Variants in NRG3 observed in about 807,000 individuals in gnomAD.
The protein encoded by NRG3 is pro-neuregulin-3, membrane-bound isoform.
NRG3 carries 31 observed loss-of-function variants against 66.9 expected under a neutral mutation model. That is an observed-to-expected ratio of 0.46 (90% CI 0.35 to 0.63). NRG3 has a LOEUF of 0.63. Ranked by LOEUF, NRG3 falls within the 20% of genes least tolerant of loss-of-function variation. The pLI is 0.00. For synonymous variants in NRG3, 393 were observed against 359.4 expected (o/e 1.09, Z -1.06); for missense variants, 910 against 878.9 (o/e 1.04, Z -0.45).
At position 82,240,286 on chromosome 10, in the gene NRG3, G is replaced by C. The variant is rs560616884; in HGVS notation, c.824-118453G>C. Among the ~76,000 whole-genome samples the C allele has an allele frequency of 5.9e-5, 9 of 151,848 alleles. No homozygotes were observed. The South Asian group carries it at 1.9e-3, about 32-fold the overall frequency. ...TATTAAAGATAATTTATTAAAATTG[G>C]TAAATTATATGCATTTGAATAAAAA... is the stretch of plus-strand genomic sequence containing the variant. On this transcript the variant is annotated intron_variant, in intron 1 of 8. Transcript: ENST00000372141.
intron 1 of NRG3, among the ~76,000 whole-genome samples, chr10:81,944,757 C>A (rs1179111251): frequency 6.6e-6 from 1 of 152,120 alleles, no homozygotes; most frequent in Non-Finnish European, 1.5e-5. Context: ...AATGAAACTT[C>A]TACGTATCCT....
chr10:82,696,072 A>C (rs1379827726), intron 2 of NRG3, among the ~76,000 whole-genome samples: 1 of 152,294 alleles, frequency 6.6e-6, no homozygotes, highest in Admixed American at 6.5e-5. Flanking sequence ...TCCTAAGTGC[A>C]CACATTCTCA....
At chr10:82,145,590 C>T (rs2070185986) in intron 1 of NRG3, among the ~76,000 whole-genome samples, 1 of 152,098 alleles carries the variant, frequency 6.6e-6, no homozygotes, top group African/African-American at 2.4e-5. Flanking sequence ...CACATGGGAA[C>T]TTTTTTCTTT....
At chr10:81,878,125 TC>T in intron 1 of NRG3, 1 of 1,478,364 alleles carries the variant, frequency 6.8e-7, no homozygotes, top group Non-Finnish European at 8.9e-7. Flanking sequence ...TATGCTCTCT[TC>T]CTACATTCCG....
At chr10:82,380,622 A>C (rs1209913532) in intron 2 of NRG3, among the ~76,000 whole-genome samples, 1 of 152,198 alleles carries the variant, frequency 6.6e-6, no homozygotes, top group Non-Finnish European at 1.5e-5. Context: ...ATGGGAAAGT[A>C]TAGAAATGAG....
chr10:82,086,066 T>C (rs2065706301), intron 1 of NRG3, among the ~76,000 whole-genome samples: 1 of 152,112 alleles, frequency 6.6e-6, no homozygotes, highest in Admixed American at 6.5e-5. Context: ...AGTTTCCATT[T>C]ACAAATGAGC....
In NRG3 at chr10:81,894,038, A is replaced by G. The variant is rs144588928; in HGVS notation, c.823+17875A>G. Among the ~76,000 whole-genome samples, 565 of 152,314 alleles carry G rather than the reference A, an allele frequency of 3.7e-3. 1 individual carries two copies. Among genetic ancestry groups the G allele is most frequent in the Non-Finnish European group, 5.9e-3 (404 of 68,036 alleles). Reference sequence around the variant, plus strand: ...CAAAATGCCACAGACTGCATGGACTATGCATGGAAATTTATTTTCTGGCTG... The same window carrying G: ...CAAAATGCCACAGACTGCATGGACTGTGCATGGAAATTTATTTTCTGGCTG... On this transcript the variant is annotated intron_variant, in intron 1 of 8. Transcript: ENST00000372141.
intron 1 of NRG3, among the ~76,000 whole-genome samples, chr10:81,976,771 G>A (rs562678412): frequency 1.4e-4 from 21 of 152,274 alleles, no homozygotes; most frequent in Middle Eastern, 3.4e-3. Context: ...TTTCTTGGAT[G>A]TGAGCTAATT....
chr10:82,531,228 A>G (rs957170738), intron 2 of NRG3, among the ~76,000 whole-genome samples: 7 of 151,762 alleles, frequency 4.6e-5, no homozygotes, highest in South Asian at 2.1e-4. Flanking sequence ...ATGCGAGTCC[A>G]TACAGGTTTA....
At chr10:82,146,407 T>TGAATTCTG (rs1166716187) in intron 1 of NRG3, among the ~76,000 whole-genome samples, 3 of 152,126 alleles carry the variant, frequency 2.0e-5, no homozygotes, top group African/African-American at 7.2e-5. Flanking sequence ...TTATCGTCTC[T>TGAATTCTG]AGTAAGCAAG....
chr10:82,638,292 A>G (rs1381435140), intron 2 of NRG3, among the ~76,000 whole-genome samples: 1 of 152,200 alleles, frequency 6.6e-6, no homozygotes, highest in Non-Finnish European at 1.5e-5. Flanking sequence ...TGCAAATTAT[A>G]TCTGTACTGG....
chr10:82,896,042 T>C (rs1843634987), intron 4 of NRG3, among the ~76,000 whole-genome samples: 2 of 152,084 alleles, frequency 1.3e-5, no homozygotes, highest in South Asian at 4.1e-4. Flanking sequence ...TCTTGAGAGG[T>C]AGTAGAAGGC....
chr10:82,973,826 G>T lies in NRG3; in HGVS notation c.1323G>T (p.Glu441Asp). 2 of 1,613,962 alleles carry T rather than the reference G, an allele frequency of 1.2e-6. No individual in the cohort carries two copies. Among genetic ancestry groups the T allele is most frequent in the Non-Finnish European group, 8.5e-7 (1 of 1,179,858 alleles). ...KVERHPVTAL[E>D]KMMESSFVGP... ...AAAGGCATCCTGTGACTGCATTGGA[G>T]AAAATGATGGAGTCAAGTTTTGTCG... is the stretch of plus-strand genomic sequence containing the variant. The change falls in exon 7 of 9, where the codon GAG becomes GAT. Residue 441 changes from glutamate (E) to aspartate (D), a missense_variant. By Grantham distance (45) the Glu-to-Asp change is conservative. Coordinates refer to ENST00000372141, the MANE Select transcript of NRG3 (RefSeq NM_001010848.4).
chr10:82,521,645 T>A (rs1846201259), intron 2 of NRG3, among the ~76,000 whole-genome samples: 1 of 152,102 alleles, frequency 6.6e-6, no homozygotes, highest in Non-Finnish European at 1.5e-5. Context: ...GGCCAGACTG[T>A]GGAAAATTTT....
rs577345517 is a variant in NRG3, at chr10:82,570,036, T to G, written c.954-168541T>G. Among the ~76,000 whole-genome samples, 7 of 151,790 alleles carry G rather than the reference T, an allele frequency of 4.6e-5. No individual in the cohort carries two copies. The South Asian group carries it at 1.4e-3, about 31-fold the overall frequency. On this transcript the variant is annotated intron_variant, in intron 2 of 8. Transcript: ENST00000372141. Reference sequence around the variant, plus strand: ...TCTTCATCCACAATGCCAAAAGTACTGACATGCTGCAAACCTTACCATGTG... The same window carrying G: ...TCTTCATCCACAATGCCAAAAGTACGGACATGCTGCAAACCTTACCATGTG...
At position 82,987,116 on chromosome 10, in the gene NRG3, T is replaced by C. The variant is rs1015961701; in HGVS notation, c.*1511T>C. On this transcript the variant is annotated 3_prime_UTR_variant, in exon 9 of 9. Coordinates refer to ENST00000372141, the MANE Select transcript of NRG3 (RefSeq NM_001010848.4). The stretch of plus-strand genomic sequence containing the variant: ...CACATATCCAGTCTTTTTCCAATTA[T>C]TGGTGGTGTTGAGTTGTTATGTTTA... 2 of 152,188 alleles carry C rather than the reference T, an allele frequency of 1.3e-5. No homozygotes were observed. The highest frequency in any genetic ancestry group is 2.9e-5 in the Non-Finnish European group (2 of 68,018). The allele number at this position is 152,188 out of a possible 1,614,324, so 9.4% of individuals were successfully genotyped here.
chr10:82,041,984 C>A (rs1372194950), intron 1 of NRG3, among the ~76,000 whole-genome samples: 1 of 151,968 alleles, frequency 6.6e-6, no homozygotes, highest in East Asian at 1.9e-4. Flanking sequence ...GATCAAGTCA[C>A]ATAGTATTGG....
chr10:82,549,372 A>G (rs2132864255), intron 2 of NRG3, among the ~76,000 whole-genome samples: 1 of 152,284 alleles, frequency 6.6e-6, no homozygotes, highest in South Asian at 2.1e-4. Context: ...TTGAAGTTAG[A>G]GCTGATTCTA....
chr10:82,029,266 G>A (rs2062458493), intron 1 of NRG3, among the ~76,000 whole-genome samples: 3 of 152,052 alleles, frequency 2.0e-5, no homozygotes, highest in Non-Finnish European at 4.4e-5. Context: ...CATTGGCTGT[G>A]TGCTGTGGAG....
Sources: allele counts gnomAD v4.1 joint callset (sites outside exome capture counted in the v4.1 genomes callset), GRCh38; gene constraint gnomAD v4.1.1; transcripts MANE v1.5; gene names NCBI Gene and HGNC (gene_info 2026-07-23, HGNC 2026-07-21).